ROCK2: variants seen among roughly 807,000 people sequenced by gnomAD.
ROCK2 encodes rho-associated protein kinase 2.
A neutral mutation model predicts 195.1 loss-of-function variants in ROCK2; 61 were observed. The observed-to-expected ratio is 0.31, with a 90% confidence interval of 0.25 to 0.39. The LOEUF is 0.39. Among genes scored for constraint, ROCK2 ranks in the 10% least tolerant of loss-of-function variants. ROCK2 has a pLI of 1.00. For missense variants in ROCK2, 1,109 were observed against 1,637.4 expected (o/e 0.68, Z 5.57); for synonymous variants, 504 against 545.5 (o/e 0.92, Z 1.06).
rs140981643 is a variant in ROCK2, at chr2:11,277,810, G to A, written c.324+8729C>T. On this transcript the variant is annotated intron_variant, in intron 3 of 32. Transcript: ENST00000315872. ...AAACGTGTGTGCAAGTATCTTTTTCGTATGACTTCTTTTCCTCTGGGTAGC... is the reference window on the plus strand; with the variant it reads ...AAACGTGTGTGCAAGTATCTTTTTCATATGACTTCTTTTCCTCTGGGTAGC... Among the ~76,000 whole-genome samples the A allele has an allele frequency of 8.4e-4, 128 of 152,188 alleles. 1 individual carries two copies. In the East Asian group the frequency reaches 0.015, roughly 18 times the overall value.
intron 3 of ROCK2, among the ~76,000 whole-genome samples, chr2:11,269,510 CAA>C (rs61527035): frequency 0.084 from 11,492 of 136,430 alleles, 532 homozygotes; most frequent in African/African-American, 0.15. Flanking sequence ...GACTCCATCT[CAA>C]AAAAAAAAAA....
In ROCK2 at chr2:11,182,558, AT is replaced by A. The variant is rs1663045321; in HGVS notation, c.*878del. 1.3e-5 allele frequency: 2 copies of A among 152,372 alleles called. No individual in the cohort carries two copies. Among genetic ancestry groups the A allele is most frequent in the African/African-American group, 4.8e-5 (2 of 41,468 alleles). The allele number at this position is 152,372 out of a possible 1,614,324, so 9.4% of individuals were successfully genotyped here. ...CATTTGTTAATCAAAATAGGCTGACATTGATATAACTATTTATGTGTAAAAA... is the reference window on the plus strand; with the variant it reads ...CATTTGTTAATCAAAATAGGCTGACATGATATAACTATTTATGTGTAAAAA... On this transcript the variant is annotated 3_prime_UTR_variant, in exon 33 of 33. Transcript: ENST00000315872.
At chr2:11,187,043 G>C (rs1017144510) in intron 32 of ROCK2, among the ~76,000 whole-genome samples, 1 of 152,196 alleles carries the variant, frequency 6.6e-6, no homozygotes, top group Non-Finnish European at 1.5e-5. Flanking sequence ...TTTGGAAAGA[G>C]TGCATTTAAT....
chr2:11,330,857 A>G (rs1482761205), intron 1 of ROCK2, among the ~76,000 whole-genome samples: 5 of 6,560 alleles, frequency 7.6e-4, no homozygotes, highest in Non-Finnish European at 1.8e-3. Flanking sequence ...AGGGGGAGGA[A>G]GAGGGAGGAG....
chr2:11,344,350 C>CGGCCA lies in ROCK2; in HGVS notation c.-215_-214insTGGCC. 8.5e-7 allele frequency: 1 copy of CGGCCA among 1,183,040 alleles called. No homozygotes were observed. The highest frequency in any genetic ancestry group is 1.6e-5 in the African/African-American group (1 of 62,840). 73.3% of individuals were successfully genotyped at this position (1,183,040 alleles called of 1,614,324 possible). On this transcript the variant is annotated 5_prime_UTR_variant, in exon 1 of 33. The change creates a new upstream start codon in the 5' untranslated region. Coordinates refer to ENST00000315872, the MANE Select transcript of ROCK2 (RefSeq NM_004850.5). The surrounding 1 kb of genome is among the most constrained non-coding windows in gnomAD (Gnocchi z 5.4). ...CAGCCCGGCCCAGCCCGGCCCGGCC[C>CGGCCA]TGCCGGGAGCGGCGGGGAACAGACG... is the stretch of plus-strand genomic sequence containing the variant.
intron 3 of ROCK2, among the ~76,000 whole-genome samples, chr2:11,259,309 G>GT (rs58494444): frequency 0.83 from 126,078 of 151,056 alleles, 53,749 homozygotes; most frequent in East Asian, 0.94. Flanking sequence ...CCAGACTGAA[G>GT]TATCTTTGCA....
rs1669209348 is a variant in ROCK2, at chr2:11,344,275, C to T, written c.-139G>A. On this transcript the variant is annotated 5_prime_UTR_variant, in exon 1 of 33. Coordinates refer to ENST00000315872, the MANE Select transcript of ROCK2 (RefSeq NM_004850.5). The surrounding 1 kb of genome is among the most constrained non-coding windows in gnomAD (Gnocchi z 5.4). ...CCTGCCTCTAGCTCCGGCTTCGGGT[C>T]TCCAAGGCGGTCCCCCGCCTGGGGG... 14 of 1,266,858 alleles carry T rather than the reference C, an allele frequency of 1.1e-5. No individual in the cohort carries two copies. Among genetic ancestry groups the T allele is most frequent in the Non-Finnish European group, 1.4e-5 (14 of 1,008,926 alleles). 78.5% of individuals were successfully genotyped at this position (1,266,858 alleles called of 1,614,324 possible). A position where few individuals can be genotyped will look rare whatever the true frequency, so the allele number is the denominator to read the frequency against.
At chr2:11,225,905 TACACAAG>T (rs1285094146) in intron 6 of ROCK2, among the ~76,000 whole-genome samples, 1 of 152,142 alleles carries the variant, frequency 6.6e-6, no homozygotes, top group African/African-American at 2.4e-5. Context: ...CAATGCTACA[TACACAAG>T]ACAGTCATCA....
Position 11,344,396 on chromosome 2 carries a change from G to C in ROCK2, c.-260C>G. ...AGACGGCGTCCCCGCCCCTCAGTCAGATTCGCGCCGCCGGTCCGCTGGTCC... is the reference window on the plus strand; with the variant it reads ...AGACGGCGTCCCCGCCCCTCAGTCACATTCGCGCCGCCGGTCCGCTGGTCC... On this transcript the variant is annotated 5_prime_UTR_variant, in exon 1 of 33. It adds an upstream start codon to the 5' untranslated region. Transcript: ENST00000315872. This position sits in a 1 kb window ranked among gnomAD's most constrained non-coding sequence, Gnocchi z 5.4. The C allele has an allele frequency of 3.6e-6, 4 of 1,115,436 alleles. No individual in the cohort carries two copies. Among genetic ancestry groups the C allele is most frequent in the Non-Finnish European group, 4.4e-6 (4 of 914,060 alleles). The allele number at this position is 1,115,436 out of a possible 1,614,324, so 69.1% of individuals were successfully genotyped here.
intron 1 of ROCK2, among the ~76,000 whole-genome samples, chr2:11,311,621 G>A (rs1249103901): frequency 6.6e-6 from 1 of 152,168 alleles, no homozygotes; most frequent in Non-Finnish European, 1.5e-5. Flanking sequence ...GTAACTGCCA[G>A]AAGAAAACGT....
intron 1 of ROCK2, chr2:11,308,936 G>A (rs1667947946): frequency 1.2e-6 from 2 of 1,611,640 alleles, no homozygotes; most frequent in Admixed American, 3.3e-5. Context: ...TTTGCACAAG[G>A]AATGATCCTG....
chr2:11,303,202 CTCCT>C (rs1435540903), intron 1 of ROCK2, among the ~76,000 whole-genome samples: 1 of 152,226 alleles, frequency 6.6e-6, no homozygotes, highest in African/African-American at 2.4e-5. Context: ...ATAAAAATCT[CTCCT>C]TCCTAACTCC....
intron 3 of ROCK2, among the ~76,000 whole-genome samples, chr2:11,281,096 T>C (rs2148183492): frequency 6.6e-6 from 1 of 151,778 alleles, no homozygotes; most frequent in East Asian, 1.9e-4. Context: ...GGTTCAACAT[T>C]TCAAAATCAA....
intron 18 of ROCK2, 139 bp downstream of exon 18, chr2:11,211,542 T>C (rs1664246849): frequency 1.4e-6 from 1 of 711,510 alleles, no homozygotes. Context: ...TATGTAAAGC[T>C]TCCCTAATAG....
intron 4 of ROCK2, among the ~76,000 whole-genome samples, chr2:11,244,772 AG>A (rs1265386118): frequency 6.6e-6 from 1 of 152,100 alleles, no homozygotes; most frequent in Non-Finnish European, 1.5e-5. Context: ...TCTAGAAAAA[AG>A]AAAAAAAAAA....
At position 11,221,285 on chromosome 2, in the gene ROCK2, T is replaced by C; in HGVS notation, c.1172A>G (p.Lys391Arg). 1.3e-6 allele frequency: 2 copies of C among 1,593,586 alleles called. No homozygotes were observed. Among genetic ancestry groups the C allele is most frequent in the Non-Finnish European group, 1.7e-6 (2 of 1,172,204 alleles). The change falls in exon 9 of 33, where the codon AAA (lysine) becomes AGA (arginine). Residue 391 changes from lysine (K) to arginine (R), a missense_variant. Lys to Arg is a conservative substitution (Grantham distance 26). Transcript: ENST00000315872. The stretch of plus-strand genomic sequence containing the variant: ...AATTGGGAAGGTTTCTACATCTCCT[T>C]TGTCATCTTCAATGTCATCGAAATT... ...SSNFDDIEDD[K>R]GDVETFPIPK...
chr2:11,215,425 G>A lies in ROCK2; in HGVS notation c.1598-13C>T, dbSNP rs766757142. On this transcript the variant is annotated splice_polypyrimidine_tract_variant and intron_variant, in intron 14 of 32. Transcript: ENST00000315872. ...TTTAAGCTGTTAACTATGATAAAAA[G>A]CATTTCAGTGGCAAGCTTAGCATAA... 17 of 1,601,786 alleles carry A rather than the reference G, an allele frequency of 1.1e-5. No homozygotes were observed. The highest frequency in any genetic ancestry group is 1.4e-5 in the Non-Finnish European group (16 of 1,174,560).
At chr2:11,333,867 G>A (rs934618559) in intron 1 of ROCK2, among the ~76,000 whole-genome samples, 1 of 152,088 alleles carries the variant, frequency 6.6e-6, no homozygotes, top group African/African-American at 2.4e-5. Context: ...AAAAGTTAAG[G>A]AGAAGGGGGA....
At position 11,294,806 on chromosome 2, in the gene ROCK2, C is replaced by T. The variant is rs2148205751; in HGVS notation, c.142-7070G>A. Reference sequence around the variant, plus strand: ...CTATTTTTCTTTTTTGAGACAGAGCCTTGCTCTGTTGCCCAGGCTGGAGTG... The same window carrying T: ...CTATTTTTCTTTTTTGAGACAGAGCTTTGCTCTGTTGCCCAGGCTGGAGTG... On this transcript the variant is annotated intron_variant, in intron 1 of 32. Transcript: ENST00000315872. 1.3e-5 allele frequency among the ~76,000 whole-genome samples: 2 copies of T among 152,032 alleles called. 1 individual carries two copies. Among genetic ancestry groups the T allele is most frequent in the Admixed American group, 1.3e-4 (2 of 15,268 alleles).
Sources: allele counts gnomAD v4.1 joint callset (sites outside exome capture counted in the v4.1 genomes callset), GRCh38; gene constraint gnomAD v4.1.1; non-coding constraint Gnocchi (gnomAD v3.1); transcripts MANE v1.5; gene names NCBI Gene and HGNC (gene_info 2026-07-23, HGNC 2026-07-21).